The following TASP1 variants were observed in gnomAD, a reference collection of about 807,000 sequenced individuals.
The protein encoded by TASP1 is threonine aspartase 1.
TASP1 carries 16 observed loss-of-function variants against 56.6 expected under a neutral mutation model. The observed-to-expected ratio is 0.28, with a 90% CI of 0.19 to 0.43. TASP1 has a LOEUF of 0.43. Among genes scored for constraint, TASP1 ranks in the 20% least tolerant of loss-of-function variants. The probability of loss-of-function intolerance (pLI) is 1.00; values close to 1 mark genes in which losing one functional copy is unlikely to be tolerated. For synonymous variants in TASP1, 179 were observed against 184.2 expected, an observed-to-expected ratio of 0.97 and a Z score of 0.23; for missense variants, 393 against 511.6, an observed-to-expected ratio of 0.77 and a Z score of 2.24.
chr20:13,340,951 G>A, the TASP1 span, among the ~76,000 whole-genome samples: 1 of 152,184 alleles, frequency 6.6e-6, no homozygotes, highest in East Asian at 1.9e-4. Context: ...AAGTAGCTGG[G>A]GCTTAAATTC....
chr20:13,279,884 A>G, the TASP1 span: 2 of 1,613,924 alleles, frequency 1.2e-6, no homozygotes, highest in Non-Finnish European at 1.7e-6. Context: ...GAAACCAAAG[A>G]TCAGCCAGAA....
At chr20:13,445,309 ATTTC>A (rs975658466) in intron 11 of TASP1, among the ~76,000 whole-genome samples, 199 of 152,294 alleles carry the variant, frequency 1.3e-3, no homozygotes, top group African/African-American at 4.1e-3. Flanking sequence ...GAGACAAGAG[ATTTC>A]TTTGTTGCTT....
chr20:13,274,086 C>A, the TASP1 span, among the ~76,000 whole-genome samples: 1 of 133,586 alleles, frequency 7.5e-6, no homozygotes, highest in South Asian at 2.4e-4. Flanking sequence ...TGTATGTGTG[C>A]ATGTGCATGC....
At chr20:13,567,358 A>T (rs1014313645) in intron 7 of TASP1, among the ~76,000 whole-genome samples, 2 of 152,152 alleles carry the variant, frequency 1.3e-5, no homozygotes, top group African/African-American at 4.8e-5. Flanking sequence ...AGTCTGTACA[A>T]CAAACCCCTG....
chr20:13,280,603 G>A, the TASP1 span, among the ~76,000 whole-genome samples: 2 of 152,136 alleles, frequency 1.3e-5, no homozygotes, highest in Non-Finnish European at 2.9e-5. Context: ...CAACTGTTAG[G>A]GCCTGAGAGT....
At chr20:13,606,704 G>T (rs1192749864) in intron 4 of TASP1, among the ~76,000 whole-genome samples, 1 of 151,882 alleles carries the variant, frequency 6.6e-6, no homozygotes. Flanking sequence ...CTACTCGGGA[G>T]GCTAAGGCAG....
rs571404389 is a variant in TASP1 at position 13,391,970 on chromosome 20, A to C, written c.1171-1518T>G. Among the ~76,000 whole-genome samples the C allele has an allele frequency of 2.7e-4, 41 of 150,352 alleles. No individual in the cohort carries two copies. The South Asian group carries it at 7.7e-3, about 28-fold the overall frequency. On this transcript the variant is annotated intron_variant, in intron 13 of 13. Transcript: ENST00000337743. The stretch of plus-strand genomic sequence containing the variant: ...GCGACAGAGCGAGACTCCGTCTCAA[A>C]AAAAAAAAAAAAAAGAAAGAAAGAA...
At chr20:13,174,763 T>A in the TASP1 span, among the ~76,000 whole-genome samples, 1 of 151,990 alleles carries the variant, frequency 6.6e-6, no homozygotes, top group Non-Finnish European at 1.5e-5. Flanking sequence ...CAAATTTTCA[T>A]CTACAAGATG....
intron 7 of TASP1, among the ~76,000 whole-genome samples, chr20:13,560,057 T>C (rs921159676): frequency 2.6e-5 from 4 of 152,164 alleles, no homozygotes; most frequent in African/African-American, 7.2e-5. Flanking sequence ...CTAGGCTGAA[T>C]TGAAGAACAA....
At chr20:13,195,378 G>A in the TASP1 span, among the ~76,000 whole-genome samples, 1 of 152,076 alleles carries the variant, frequency 6.6e-6, no homozygotes, top group African/African-American at 2.4e-5. Context: ...TTTTCTCTAG[G>A]CACCGGCCCT....
chr20:13,154,035 A>T, the TASP1 span: 2 of 1,614,128 alleles, frequency 1.2e-6, no homozygotes, highest in Non-Finnish European at 1.7e-6. Flanking sequence ...TGCGAAAAAC[A>T]CAAGATACTT....
At chr20:13,221,248 TCCTCCTCCTCCTCC>T in the TASP1 span, among the ~76,000 whole-genome samples, 1 of 127,208 alleles carries the variant, frequency 7.9e-6, no homozygotes, top group African/African-American at 2.9e-5. Flanking sequence ...CTCCTCCTCC[TCCTCCTCCTCCTCC>T]TTCTCCTTCT....
chr20:13,579,875 A>C (rs1192373196), intron 6 of TASP1, among the ~76,000 whole-genome samples: 1 of 152,236 alleles, frequency 6.6e-6, no homozygotes, highest in Non-Finnish European at 1.5e-5. Flanking sequence ...AAAGGATTTA[A>C]GATTTTTCTA....
At chr20:13,214,544 C>CAGAGAGAG in the TASP1 span, among the ~76,000 whole-genome samples, 15 of 131,984 alleles carry the variant, frequency 1.1e-4, no homozygotes, top group African/African-American at 2.4e-4. Context: ...CACACACACA[C>CAGAGAGAG]ACACACACAC....
the TASP1 span, among the ~76,000 whole-genome samples, chr20:13,257,512 T>G: frequency 1.3e-5 from 2 of 152,184 alleles, no homozygotes; most frequent in African/African-American, 2.4e-5. Context: ...ACCCACTGAA[T>G]AGCTCTCATG....
the TASP1 span, among the ~76,000 whole-genome samples, chr20:13,285,235 G>A: frequency 7.8e-4 from 118 of 152,230 alleles, no homozygotes; most frequent in Admixed American, 2.7e-3. Context: ...GGGCTGCAAT[G>A]AGCCATGATG....
At chr20:13,404,533 G>C (rs2041848712) in intron 13 of TASP1, among the ~76,000 whole-genome samples, 1 of 152,170 alleles carries the variant, frequency 6.6e-6, no homozygotes, top group African/African-American at 2.4e-5. Context: ...TTGAGCCCAG[G>C]AATTTGAGGT....
At chr20:13,498,185 C>A (rs372496736) in intron 10 of TASP1, among the ~76,000 whole-genome samples, 3 of 152,282 alleles carry the variant, frequency 2.0e-5, no homozygotes, top group East Asian at 3.9e-4. Flanking sequence ...AGACAATCCA[C>A]ACAATGGGAG....
chr20:13,287,687 ATG>A, the TASP1 span, among the ~76,000 whole-genome samples: 2 of 152,146 alleles, frequency 1.3e-5, no homozygotes, highest in Non-Finnish European at 2.9e-5. Flanking sequence ...AGTGTATCTC[ATG>A]TACCAAGAAT....
Sources: allele counts gnomAD v4.1 joint callset (sites outside exome capture counted in the v4.1 genomes callset), GRCh38; gene constraint gnomAD v4.1.1; transcripts MANE v1.5; gene names NCBI Gene and HGNC (gene_info 2026-07-23, HGNC 2026-07-21).